Variants in GRM1 observed in about 807,000 individuals in gnomAD.
GRM1 encodes the protein metabotropic glutamate receptor 1.
In GRM1, 33 loss-of-function variants were observed where a neutral mutation model predicts 90.9. That is an observed-to-expected ratio of 0.36 (90% CI 0.28 to 0.49). The LOEUF (loss-of-function observed/expected upper bound fraction) is 0.49, where lower values mean the gene tolerates loss of function less well. Ranked by LOEUF, GRM1 falls within the 20% of genes least tolerant of loss-of-function variation. GRM1 has a pLI of 0.99. For synonymous variants in GRM1, 700 were observed against 613.2 expected (o/e 1.14, Z -2.09); for missense variants, 1,190 against 1,534.3 (o/e 0.78, Z 3.75).
intron 2 of GRM1, among the ~76,000 whole-genome samples, chr6:146,252,302 G>T (rs2114766347): frequency 6.6e-6 from 1 of 152,256 alleles, no homozygotes; most frequent in African/African-American, 2.4e-5. Flanking sequence ...AAAAATATTT[G>T]GGGAGACTTC....
chr6:146,087,341 A>C (rs987799845), intron 1 of GRM1, among the ~76,000 whole-genome samples: 1 of 152,154 alleles, frequency 6.6e-6, no homozygotes, highest in Non-Finnish European at 1.5e-5. Flanking sequence ...GATAAATACT[A>C]TCTTACATAA....
chr6:146,383,817 G>A (rs1438566379), intron 5 of GRM1, among the ~76,000 whole-genome samples: 1 of 152,056 alleles, frequency 6.6e-6, no homozygotes, highest in East Asian at 1.9e-4. Context: ...TTTTTATTGT[G>A]TTAGAGAGGA....
At chr6:146,078,292 G>A (rs1320631733) in intron 1 of GRM1, among the ~76,000 whole-genome samples, 2 of 152,192 alleles carry the variant, frequency 1.3e-5, no homozygotes, top group Non-Finnish European at 2.9e-5. Flanking sequence ...TTCTTTGCCT[G>A]TGCCATGTCT....
chr6:146,131,952 T>A (rs1315010410), intron 1 of GRM1, among the ~76,000 whole-genome samples: 1 of 152,116 alleles, frequency 6.6e-6, no homozygotes, highest in Non-Finnish European at 1.5e-5. Context: ...GAAACCTGGA[T>A]GATGAATAGG....
intron 1 of GRM1, among the ~76,000 whole-genome samples, chr6:146,110,184 T>C (rs1044413019): frequency 6.6e-6 from 1 of 152,130 alleles, no homozygotes; most frequent in African/African-American, 2.4e-5. Flanking sequence ...CAGAACGATA[T>C]GGTTTTGCTG....
chr6:146,362,542 G>A (rs1489892272), intron 5 of GRM1, among the ~76,000 whole-genome samples: 1 of 150,438 alleles, frequency 6.6e-6, no homozygotes, highest in African/African-American at 2.5e-5. Flanking sequence ...AGCCAGGTGT[G>A]GTGGCAGGCG....
intron 1 of GRM1, among the ~76,000 whole-genome samples, chr6:146,104,054 A>AGAAG (rs1258183600): frequency 1.3e-5 from 2 of 152,152 alleles, no homozygotes; most frequent in Non-Finnish European, 2.9e-5. Flanking sequence ...ATGTCTGGGG[A>AGAAG]GAAGCAAAGA....
At chr6:146,234,358 T>A (rs1780558067) in intron 2 of GRM1, among the ~76,000 whole-genome samples, 2 of 152,088 alleles carry the variant, frequency 1.3e-5, no homozygotes, top group African/African-American at 4.8e-5. Context: ...TGTATTAACA[T>A]TTGTTGTCTT....
rs1777089228 is a variant in GRM1, at chr6:146,399,755, C to T, written c.2660+56C>T. The stretch of plus-strand genomic sequence containing the variant: ...TCTCTTCCTTTCTCTGTCTCTTTCT[C>T]TCTCTCTCTCTCTCTCTCTTTCTCT... On this transcript the variant is annotated intron_variant, in intron 7 of 7. Coordinates refer to ENST00000282753, the MANE Select transcript of GRM1 (RefSeq NM_001278064.2). The surrounding 1 kb of genome is among the most constrained non-coding windows in gnomAD (Gnocchi z 5.4). The T allele has an allele frequency of 4.6e-6, 4 of 864,522 alleles. No homozygotes were observed. The highest frequency in any genetic ancestry group is 3.4e-6 in the Non-Finnish European group (2 of 596,670). 53.6% of individuals were successfully genotyped at this position (864,522 alleles called of 1,614,324 possible). A position where few individuals can be genotyped will look rare whatever the true frequency, so the allele number is the denominator to read the frequency against.
chr6:146,365,593 T>C (rs923202001), intron 5 of GRM1: 2 of 152,186 alleles, frequency 1.3e-5, no homozygotes, highest in Non-Finnish European at 2.9e-5. Context: ...TAAAGTATAA[T>C]ATACACACAG....
intron 1 of GRM1, among the ~76,000 whole-genome samples, chr6:146,043,796 T>TATAGATATATATATAG (rs1554260528): frequency 7.2e-6 from 1 of 137,940 alleles, no homozygotes; most frequent in Non-Finnish European, 1.6e-5. Flanking sequence ...TATATATATA[T>TATAGATATATATATAG]ATATATATAT....
chr6:146,104,540 T>TG (rs574981659), intron 1 of GRM1, among the ~76,000 whole-genome samples: 61 of 152,000 alleles, frequency 4.0e-4, no homozygotes, highest in East Asian at 9.7e-4. Context: ...ATGTTTCATA[T>TG]GGGGGGGCAT....
intron 1 of GRM1, among the ~76,000 whole-genome samples, chr6:146,051,227 A>T (rs573535383): frequency 2.0e-5 from 3 of 152,206 alleles, no homozygotes; most frequent in African/African-American, 7.2e-5. Flanking sequence ...CTTACTTCTC[A>T]TGCAGCTAAC....
chr6:146,145,918 A>T (rs1777077104), intron 1 of GRM1, among the ~76,000 whole-genome samples: 1 of 152,060 alleles, frequency 6.6e-6, no homozygotes, highest in Middle Eastern at 3.4e-3. Flanking sequence ...TTGGGGGCCC[A>T]ACTCCCCTCA....
intron 3 of GRM1, among the ~76,000 whole-genome samples, chr6:146,349,798 A>G (rs1452255518): frequency 1.3e-5 from 2 of 152,208 alleles, no homozygotes; most frequent in African/African-American, 2.4e-5. Flanking sequence ...CTGTGAAATT[A>G]GTTAAAAAAT....
chr6:146,426,807 T>C lies in GRM1; in HGVS notation c.2661-7065T>C, dbSNP rs532386048. ...ACTGCCTTAAATTGATTGTCCATCG[T>C]TCTTAAAAGGACACTGTCAAGTTGT... is the stretch of plus-strand genomic sequence containing the variant. On this transcript the variant is annotated intron_variant, in intron 7 of 7. Transcript: ENST00000282753. Among the ~76,000 whole-genome samples the C allele has an allele frequency of 4.6e-5, 7 of 152,306 alleles. No individual in the cohort carries two copies. In the South Asian group the frequency reaches 1.2e-3, roughly 27 times the overall value.
intron 1 of GRM1, among the ~76,000 whole-genome samples, chr6:146,072,207 G>T (rs971009858): frequency 6.6e-6 from 1 of 152,076 alleles, no homozygotes; most frequent in Non-Finnish European, 1.5e-5. Flanking sequence ...CCTGAGCCCT[G>T]GTATACATTA....
chr6:146,365,292 A>G (rs1009871495), intron 5 of GRM1: 1 of 152,234 alleles, frequency 6.6e-6, no homozygotes, highest in Non-Finnish European at 1.5e-5. Flanking sequence ...AAACACAGTC[A>G]TAGTGAAAAA....
At chr6:146,287,866 C>A (rs760121970) in intron 2 of GRM1, among the ~76,000 whole-genome samples, 2 of 152,184 alleles carry the variant, frequency 1.3e-5, no homozygotes, top group Non-Finnish European at 2.9e-5. Flanking sequence ...AAAAGGAAGA[C>A]AGTCTGTTGA....
Sources: gnomAD v4.1 joint callset for allele counts (sites outside exome capture counted in the v4.1 genomes callset) on GRCh38, gnomAD v4.1.1 for gene constraint, Gnocchi (gnomAD v3.1) non-coding constraint, MANE v1.5 for transcripts, NCBI Gene and HGNC (gene_info 2026-07-23, HGNC 2026-07-21) for gene names.